Variants in GPCPD1 observed in about 807,000 individuals in gnomAD.
GPCPD1 encodes the protein glycerophosphocholine phosphodiesterase GPCPD1.
A neutral mutation model predicts 89.2 loss-of-function variants in GPCPD1; 29 were observed. The observed-to-expected ratio is 0.33, with a 90% CI of 0.24 to 0.44. The LOEUF (loss-of-function observed/expected upper bound fraction) is 0.44, where lower values mean the gene tolerates loss of function less well. GPCPD1 is among the 20% of genes least tolerant of loss of function. The probability of loss-of-function intolerance (pLI) is 1.00; values close to 1 mark genes in which losing one functional copy is unlikely to be tolerated. For synonymous variants in GPCPD1, 258 were observed against 266.3 expected, an observed-to-expected ratio of 0.97 and a Z score of 0.30; for missense variants, 594 against 808.9, an observed-to-expected ratio of 0.73 and a Z score of 3.22.
At chr20:5,602,173 T>C (rs1980206573) in intron 2 of GPCPD1, among the ~76,000 whole-genome samples, 1 of 152,232 alleles carries the variant, frequency 6.6e-6, no homozygotes, top group African/African-American at 2.4e-5. Context: ...CAGTATCCCC[T>C]TGCTGTCCCT....
At chr20:5,561,608 T>C (rs992529199) in intron 15 of GPCPD1, 78 bp from the exon 16 acceptor site, 1 of 655,022 alleles carries the variant, frequency 1.5e-6, no homozygotes, top group East Asian at 2.8e-5. Flanking sequence ...AATACAATTA[T>C]TACTAAAAAT....
In GPCPD1 at chr20:5,546,968, T is replaced by G. The variant is rs1239106485; in HGVS notation, c.*693A>C. 9 of 152,680 alleles carry G rather than the reference T, an allele frequency of 5.9e-5. No individual in the cohort carries two copies. Among genetic ancestry groups the G allele is most frequent in the Admixed American group, 3.3e-4 (5 of 15,288 alleles). The allele number at this position is 152,680 out of a possible 1,614,324, so 9.5% of individuals were successfully genotyped here. A position where few individuals can be genotyped will look rare whatever the true frequency, so the allele number is the denominator to read the frequency against. On this transcript the variant is annotated 3_prime_UTR_variant, in exon 20 of 20. Transcript: ENST00000379019. ...TACTAAGTATGCAATACATACTTTT[T>G]CTTACTAATATTTTATACATTAAAT...
At chr20:5,563,889 C>T (rs1282289211) in intron 15 of GPCPD1, among the ~76,000 whole-genome samples, 1 of 152,192 alleles carries the variant, frequency 6.6e-6, no homozygotes, top group African/African-American at 2.4e-5. Context: ...ATCACACACA[C>T]ATTTCCATGC....
intron 1 of GPCPD1, among the ~76,000 whole-genome samples, chr20:5,607,449 G>A (rs564985960): frequency 1.4e-4 from 21 of 152,012 alleles, no homozygotes; most frequent in Admixed American, 2.0e-4. Context: ...ATGATGGCAC[G>A]TGCCTGTAGT....
intron 2 of GPCPD1, among the ~76,000 whole-genome samples, chr20:5,604,070 G>GT (rs888667233): frequency 3.3e-5 from 5 of 152,148 alleles, no homozygotes; most frequent in African/African-American, 1.2e-4. Context: ...CACTAGCAAA[G>GT]TTTCCTTCAT....
At chr20:5,580,584 GGC>G (rs1978394571) in intron 6 of GPCPD1, among the ~76,000 whole-genome samples, 1 of 151,782 alleles carries the variant, frequency 6.6e-6, no homozygotes, top group African/African-American at 2.4e-5. Flanking sequence ...AAAATAGCCG[GGC>G]GTGGTGGCGG....
chr20:5,593,400 T>C lies in GPCPD1; in HGVS notation c.158A>G (p.Lys53Arg). 1 of 1,573,534 alleles carries C rather than the reference T, an allele frequency of 6.4e-7. No individual in the cohort carries two copies. Among genetic ancestry groups the C allele is most frequent in the African/African-American group, 1.3e-5 (1 of 74,222 alleles). Residue 53 changes from lysine to arginine, a missense_variant, in exon 4 of 20, where the codon AAA becomes AGA. By Grantham distance (26) the Lys-to-Arg change is conservative (BLOSUM62 2). Coordinates refer to ENST00000379019, the MANE Select transcript of GPCPD1 (RefSeq NM_019593.5). ...TCCTCTACTGAGTACAATGGTTGCT[T>C]TCCATAGCATGCTGTGAAGAAAGAA... Reference protein sequence around the residue: ...ENDTGESMLWKATIVLSRGVS... With the variant: ...ENDTGESMLWRATIVLSRGVS...
At chr20:5,571,390 T>C (rs952778117) in intron 11 of GPCPD1, among the ~76,000 whole-genome samples, 4 of 152,204 alleles carry the variant, frequency 2.6e-5, no homozygotes, top group African/African-American at 7.2e-5. Context: ...TTATAGAAAA[T>C]AATTTTAGTA....
At chr20:5,586,344 G>C (rs1978920341) in intron 4 of GPCPD1, 75 bp from the exon 5 acceptor site, 1 of 801,076 alleles carries the variant, frequency 1.2e-6, no homozygotes, top group East Asian at 2.5e-5. Flanking sequence ...TTAGATGTTT[G>C]TGGCCTAAAT....
chr20:5,599,770 C>T (rs1235535560), intron 2 of GPCPD1, among the ~76,000 whole-genome samples: 1 of 152,084 alleles, frequency 6.6e-6, no homozygotes, highest in East Asian at 1.9e-4. Flanking sequence ...CTAGGTTGGT[C>T]TTGAACTCCT....
At chr20:5,608,687 G>A (rs186685581) in intron 1 of GPCPD1, among the ~76,000 whole-genome samples, 1 of 152,220 alleles carries the variant, frequency 6.6e-6, no homozygotes, top group East Asian at 1.9e-4. Context: ...ACAAGAGTAA[G>A]ATGAAAAATG....
intron 14 of GPCPD1, among the ~76,000 whole-genome samples, chr20:5,566,267 A>G (rs1986390235): frequency 6.6e-6 from 1 of 152,248 alleles, no homozygotes; most frequent in African/African-American, 2.4e-5. Context: ...TATGAAAATA[A>G]AGGATTTAAA....
intron 1 of GPCPD1, among the ~76,000 whole-genome samples, chr20:5,610,219 T>C (rs1980867299): frequency 6.6e-6 from 1 of 152,160 alleles, no homozygotes; most frequent in African/African-American, 2.4e-5. Flanking sequence ...TTGGGAAAAG[T>C]AGAGCTTTGG....
At chr20:5,584,466 T>C in intron 5 of GPCPD1, 144 bp from the exon 6 acceptor site, 1 of 488,862 alleles carries the variant, frequency 2.0e-6, no homozygotes. Context: ...GCATATTTAT[T>C]GTAGCCCTCA....
intron 4 of GPCPD1, among the ~76,000 whole-genome samples, chr20:5,586,549 A>G (rs1978937407): frequency 6.6e-6 from 1 of 152,196 alleles, no homozygotes; most frequent in African/African-American, 2.4e-5. Flanking sequence ...ACAATACTCA[A>G]TTGTTTCAAA....
At chr20:5,607,821 TAAA>T (rs11478411) in intron 1 of GPCPD1, among the ~76,000 whole-genome samples, 103 of 112,940 alleles carry the variant, frequency 9.1e-4, no homozygotes, top group African/African-American at 2.8e-3. Flanking sequence ...CTGTCTCAAA[TAAA>T]AAAAAAAAAA....
chr20:5,577,270 T>C (rs7263733), intron 8 of GPCPD1, among the ~76,000 whole-genome samples: 14,250 of 151,548 alleles, frequency 0.094, 1,128 homozygotes, highest in African/African-American at 0.21. Context: ...ATCCGCCTGC[T>C]TTGGCCTCCC....
At chr20:5,595,064 G>T (rs75429663) in intron 3 of GPCPD1, among the ~76,000 whole-genome samples, 1 of 152,000 alleles carries the variant, frequency 6.6e-6, no homozygotes, top group Non-Finnish European at 1.5e-5. Flanking sequence ...CAGCAACCAC[G>T]ACTCTGATCA....
chr20:5,594,990 C>A (rs975172297), intron 3 of GPCPD1, among the ~76,000 whole-genome samples: 1 of 152,092 alleles, frequency 6.6e-6, no homozygotes, highest in African/African-American at 2.4e-5. Flanking sequence ...ATGAAAGGAA[C>A]AGTTAATCAA....
Sources: allele counts gnomAD v4.1 joint callset (sites outside exome capture counted in the v4.1 genomes callset), GRCh38; gene constraint gnomAD v4.1.1; transcripts MANE v1.5; gene names NCBI Gene and HGNC (gene_info 2026-07-23, HGNC 2026-07-21).